Variants in MCCC1 observed in about 807,000 individuals in gnomAD.
MCCC1 encodes the protein methylcrotonoyl-CoA carboxylase subunit alpha, mitochondrial.
In MCCC1, 64 loss-of-function variants were observed where a neutral mutation model predicts 83.8. The observed-to-expected ratio is 0.76, with a 90% CI of 0.62 to 0.94. The LOEUF (loss-of-function observed/expected upper bound fraction) is 0.94, where lower values mean the gene tolerates loss of function less well. MCCC1 is among the 40% of genes least tolerant of loss of function. The pLI is 0.00. For missense variants in MCCC1, 807 were observed against 904.7 expected, an observed-to-expected ratio of 0.89 and a Z score of 1.39; for synonymous variants, 322 against 315.4, an observed-to-expected ratio of 1.02 and a Z score of -0.22.
chr3:183,067,398 A>G lies in MCCC1; in HGVS notation c.761+3601T>C, dbSNP rs183215295. Among the ~76,000 whole-genome samples, 142 of 152,370 alleles carry G rather than the reference A, an allele frequency of 9.3e-4. 2 individuals are homozygous for G. Among genetic ancestry groups the G allele is most frequent in the African/African-American group, 3.2e-3 (135 of 41,598 alleles). On this transcript the variant is annotated intron_variant, in intron 7 of 18. Transcript: ENST00000265594. ...AGAGTTATATCAAAACCAATTTTAAAAGCCTGTATGGCAAATAATTATTCT... is the reference window on the plus strand; with the variant it reads ...AGAGTTATATCAAAACCAATTTTAAGAGCCTGTATGGCAAATAATTATTCT...
chr3:183,114,971 A>G (rs1353051289), intron 1 of MCCC1, among the ~76,000 whole-genome samples: 1 of 152,118 alleles, frequency 6.6e-6, no homozygotes, highest in Admixed American at 6.5e-5. Context: ...TGGTAATGAC[A>G]GTCTCCCGGC....
At chr3:183,059,538 T>C (rs1715672239) in intron 7 of MCCC1, among the ~76,000 whole-genome samples, 1 of 152,208 alleles carries the variant, frequency 6.6e-6, no homozygotes, top group South Asian at 2.1e-4. Context: ...CAATTCAAAA[T>C]AGGAAAATAT....
Position 183,025,776 on chromosome 3 carries a change from A to G in MCCC1, c.1710T>C (p.His570=). 1.2e-6 allele frequency: 2 copies of G among 1,613,978 alleles called. No individual in the cohort carries two copies. The highest frequency in any genetic ancestry group is 1.7e-6 in the Non-Finnish European group (2 of 1,179,860). ...NNVAIAVTYN[H]DGSYSMQIED... Reference sequence around the variant, plus strand: ...TTACCTGCATGCTATAAGACCCATCATGGTTATACGTTACAGCTATGGCTA... The same window carrying G: ...TTACCTGCATGCTATAAGACCCATCGTGGTTATACGTTACAGCTATGGCTA... The change falls in exon 15 of 19, where the codon CAT becomes CAC. Residue 570 remains histidine, a synonymous_variant. Transcript: ENST00000265594.
chr3:183,098,346 G>C (rs1718895784), intron 1 of MCCC1: 1 of 152,212 alleles, frequency 6.6e-6, no homozygotes, highest in South Asian at 2.1e-4. Flanking sequence ...AAATGGTTGA[G>C]TTTGCATTTA....
rs1712284900 is a variant in MCCC1 at position 183,022,996 on chromosome 3, A to C, written c.1732-442T>G. Among the ~76,000 whole-genome samples the C allele has an allele frequency of 2.0e-5, 3 of 152,310 alleles. No individual in the cohort carries two copies. The South Asian group carries it at 6.2e-4, about 32-fold the overall frequency. Reference sequence around the variant, plus strand: ...AGTCAGTCACCAAAAAAATGCCAGAATCACATAATTAGATGATATTCTTTT... The same window carrying C: ...AGTCAGTCACCAAAAAAATGCCAGACTCACATAATTAGATGATATTCTTTT... On this transcript the variant is annotated intron_variant, in intron 15 of 18. Transcript: ENST00000265594.
intron 11 of MCCC1, among the ~76,000 whole-genome samples, chr3:183,040,703 C>A (rs1250709734): frequency 6.6e-6 from 1 of 152,064 alleles, no homozygotes; most frequent in Admixed American, 6.6e-5. Context: ...AGCCTGGGCA[C>A]AGAGTGAGAC....
intron 14 of MCCC1, among the ~76,000 whole-genome samples, chr3:183,031,480 G>A (rs1225476713): frequency 7.1e-6 from 1 of 141,548 alleles, no homozygotes; most frequent in Non-Finnish European, 1.5e-5. Context: ...ACTCATAAAT[G>A]CTTCTGGCAC....
chr3:183,028,355 G>C (rs571467402), intron 14 of MCCC1, among the ~76,000 whole-genome samples: 2 of 152,192 alleles, frequency 1.3e-5, no homozygotes, highest in Non-Finnish European at 2.9e-5. Context: ...CAAGGGCTCT[G>C]ATGGAGACAT....
At chr3:183,015,898 T>G (rs770817294) in intron 18 of MCCC1, among the ~76,000 whole-genome samples, 15 of 151,746 alleles carry the variant, frequency 9.9e-5, no homozygotes, top group Non-Finnish European at 2.1e-4. Flanking sequence ...CAGTTTTTTG[T>G]TTGCTTGCTT....
chr3:183,106,689 G>A (rs745775814), intron 1 of MCCC1, among the ~76,000 whole-genome samples: 1 of 152,008 alleles, frequency 6.6e-6, no homozygotes, highest in Non-Finnish European at 1.5e-5. Context: ...TAGAGACGGA[G>A]TTTCACCGTG....
At chr3:183,050,640 A>G (rs1459774786) in intron 9 of MCCC1, among the ~76,000 whole-genome samples, 2 of 138,122 alleles carry the variant, frequency 1.4e-5, no homozygotes, top group Non-Finnish European at 3.1e-5. Flanking sequence ...TGGGAGGCGG[A>G]GGTTGCAGTG....
intron 12 of MCCC1, 61 bp downstream of exon 12, chr3:183,038,965 G>T: frequency 6.9e-7 from 1 of 1,453,504 alleles, no homozygotes; most frequent in Non-Finnish European, 9.7e-7. Flanking sequence ...CAAAGACAAA[G>T]GCTGACCTCT....
chr3:183,022,067 G>A (rs1490704913), intron 16 of MCCC1, among the ~76,000 whole-genome samples: 2 of 152,142 alleles, frequency 1.3e-5, no homozygotes, highest in African/African-American at 4.8e-5. Context: ...TTGTCAGGGG[G>A]ATGGTGGGTG....
chr3:183,038,304 G>A (rs1383930573), intron 12 of MCCC1, among the ~76,000 whole-genome samples: 1 of 152,222 alleles, frequency 6.6e-6, no homozygotes, highest in Non-Finnish European at 1.5e-5. Flanking sequence ...CAGAGCAGGA[G>A]AGCAGGGTAG....
intron 1 of MCCC1, among the ~76,000 whole-genome samples, chr3:183,104,684 A>G (rs1350772302): frequency 6.6e-6 from 1 of 152,258 alleles, no homozygotes; most frequent in Admixed American, 6.5e-5. Flanking sequence ...AATTCACAGA[A>G]TAGAAAAAGT....
intron 11 of MCCC1, among the ~76,000 whole-genome samples, chr3:183,041,062 G>A (rs952108335): frequency 6.6e-6 from 1 of 152,212 alleles, no homozygotes; most frequent in African/African-American, 2.4e-5. Context: ...ACCTAGAGCA[G>A]TGCCTGTAAG....
Position 183,019,742 on chromosome 3 carries a change from C to T in MCCC1, c.1977+388G>A, listed in dbSNP as rs73068827. 9.7e-3 allele frequency among the ~76,000 whole-genome samples: 1,484 copies of T among 152,270 alleles called. 30 individuals carry two copies. Among genetic ancestry groups the T allele is most frequent in the African/African-American group, 0.034 (1,417 of 41,548 alleles). On this transcript the variant is annotated intron_variant, in intron 17 of 18. Coordinates refer to ENST00000265594, the MANE Select transcript of MCCC1 (RefSeq NM_020166.5). ...CACCAATACCAGCCTTTTACATTAA[C>T]GCAGATGCAACTACGTACACTAAAA...
intron 1 of MCCC1, among the ~76,000 whole-genome samples, chr3:183,096,940 C>T (rs1037943244): frequency 6.6e-6 from 1 of 152,154 alleles, no homozygotes; most frequent in East Asian, 1.9e-4. Context: ...GTAAAGCTAG[C>T]TTAAGACTGA....
chr3:183,103,864 C>A (rs192675837), upstream of MCCC1, among the ~76,000 whole-genome samples: 41 of 152,308 alleles, frequency 2.7e-4, no homozygotes, highest in African/African-American at 9.6e-4. Context: ...TCAGGCATGG[C>A]GGGCTGCAGG....
Sources: allele counts gnomAD v4.1 joint callset (sites outside exome capture counted in the v4.1 genomes callset), GRCh38; gene constraint gnomAD v4.1.1; transcripts MANE v1.5; gene names NCBI Gene and HGNC (gene_info 2026-07-23, HGNC 2026-07-21).